The following OR1B1 variants were observed in gnomAD, a reference collection of about 807,000 sequenced individuals.
OR1B1 encodes the protein olfactory receptor family 1 subfamily B member 1, also known as olfactory receptor 1B1.
For synonymous variants in OR1B1, 168 were observed against 156.2 expected (o/e 1.08, Z -0.57); for missense variants, 414 against 402.1 (o/e 1.03, Z -0.25).
At chr9:122,651,843 A>C in the OR1B1 span, among the ~76,000 whole-genome samples, 2 of 152,230 alleles carry the variant, frequency 1.3e-5, no homozygotes, top group African/African-American at 4.8e-5. Context: ...GCTAGAGTGC[A>C]GTGGCACTAT....
At chr9:122,633,138 G>T (rs139227374), upstream of OR1B1, among the ~76,000 whole-genome samples, 420 of 152,236 alleles carry the variant, frequency 2.8e-3, 5 homozygotes, top group East Asian at 0.014. Context: ...TTCAAGATGA[G>T]ATTTGGGTGG....
chr9:122,630,189 A>G (rs1309136153), upstream of OR1B1, among the ~76,000 whole-genome samples: 1 of 152,202 alleles, frequency 6.6e-6, no homozygotes, highest in Non-Finnish European at 1.5e-5. Flanking sequence ...CAAATTATCC[A>G]TGTTTGCTGA....
At chr9:122,629,831 G>C (rs2118808216), upstream of OR1B1, among the ~76,000 whole-genome samples, 1 of 152,024 alleles carries the variant, frequency 6.6e-6, no homozygotes, top group South Asian at 2.1e-4. Flanking sequence ...ATTCATTCTT[G>C]TCTTTTCATC....
the OR1B1 span, among the ~76,000 whole-genome samples, chr9:122,648,854 C>G: frequency 6.6e-6 from 1 of 152,020 alleles, no homozygotes; most frequent in Non-Finnish European, 1.5e-5. Context: ...CAATGCTATC[C>G]CCATCGACCT....
chr9:122,636,237 A>G, the OR1B1 span, among the ~76,000 whole-genome samples: 2 of 152,304 alleles, frequency 1.3e-5, no homozygotes, highest in East Asian at 3.9e-4. Context: ...CTATCTCCCA[A>G]TGTACACTGT....
At chr9:122,646,530 A>G in the OR1B1 span, among the ~76,000 whole-genome samples, 1 of 149,380 alleles carries the variant, frequency 6.7e-6, no homozygotes, top group South Asian at 2.1e-4. Flanking sequence ...ATGAAGACCA[A>G]AAAAAAAAAG....
the OR1B1 span, among the ~76,000 whole-genome samples, chr9:122,640,518 TCA>T: frequency 6.6e-6 from 1 of 152,138 alleles, no homozygotes; most frequent in Admixed American, 6.5e-5. Flanking sequence ...AGAAGAAAAG[TCA>T]GAGGAAAAGC....
At chr9:122,652,879 G>A in the OR1B1 span, among the ~76,000 whole-genome samples, 9 of 152,216 alleles carry the variant, frequency 5.9e-5, no homozygotes, top group Admixed American at 3.9e-4. Flanking sequence ...TGTCTCTTAC[G>A]GAATGTAGCT....
At chr9:122,629,508 G>A (rs1830184432) in exon 1 of OR1B1, 2 of 1,610,692 alleles carry the variant, frequency 1.2e-6, no homozygotes, top group South Asian at 1.1e-5. Flanking sequence ...ACCGGAGAGT[G>A]TGAAGCATTA....
chr9:122,637,465 G>C, the OR1B1 span, among the ~76,000 whole-genome samples: 7 of 152,140 alleles, frequency 4.6e-5, no homozygotes, highest in African/African-American at 1.7e-4. Flanking sequence ...ACTCTAGCAA[G>C]AAATTCTCTT....
the OR1B1 span, among the ~76,000 whole-genome samples, chr9:122,637,592 T>C: frequency 6.6e-6 from 1 of 152,238 alleles, no homozygotes; most frequent in South Asian, 2.1e-4. Context: ...TGCAGTCTTC[T>C]CTTTCTCAAT....
At chr9:122,636,126 G>A in the OR1B1 span, among the ~76,000 whole-genome samples, 4 of 152,200 alleles carry the variant, frequency 2.6e-5, no homozygotes, top group African/African-American at 7.2e-5. Flanking sequence ...GAAGGTCTCA[G>A]TCAGGCTTCG....
chr9:122,639,730 TTATA>T, the OR1B1 span: 1 of 149,830 alleles, frequency 6.7e-6, no homozygotes, highest in East Asian at 1.9e-4. Context: ...CAATATATAT[TTATA>T]TATTGAATCT....
At chr9:122,642,846 C>A in the OR1B1 span, among the ~76,000 whole-genome samples, 2 of 152,166 alleles carry the variant, frequency 1.3e-5, no homozygotes. Flanking sequence ...CTTATACATT[C>A]TGTGAATCTG....
the OR1B1 span, among the ~76,000 whole-genome samples, chr9:122,639,979 C>T: frequency 0.018 from 2,703 of 151,994 alleles, 73 homozygotes; most frequent in African/African-American, 0.061. Flanking sequence ...CATGATTTCA[C>T]GAAACCTGCG....
At chr9:122,633,256 G>T (rs1212875041), upstream of OR1B1, among the ~76,000 whole-genome samples, 1 of 152,084 alleles carries the variant, frequency 6.6e-6, no homozygotes, top group East Asian at 1.9e-4. Context: ...ACATACAAAA[G>T]AATGGAATTG....
chr9:122,645,935 T>G, the OR1B1 span, among the ~76,000 whole-genome samples: 1 of 152,072 alleles, frequency 6.6e-6, no homozygotes, highest in Non-Finnish European at 1.5e-5. Context: ...TAAACTTCTC[T>G]TAAGAGAAAG....
chr9:122,634,344 A>G (rs533417292), upstream of OR1B1, among the ~76,000 whole-genome samples: 299 of 152,070 alleles, frequency 2.0e-3, 2 homozygotes, highest in African/African-American at 6.4e-3. Context: ...TCAAAAAAAA[A>G]AAAAAGAAAA....
At chr9:122,642,012 C>T in the OR1B1 span, among the ~76,000 whole-genome samples, 18 of 151,644 alleles carry the variant, frequency 1.2e-4, no homozygotes, top group South Asian at 1.7e-3. Context: ...AGAAGAAGGG[C>T]GTGCAGATGA....
Sources: gnomAD v4.1 joint callset for allele counts (sites outside exome capture counted in the v4.1 genomes callset) on GRCh38, gnomAD v4.1.1 for gene constraint, MANE v1.5 for transcripts, NCBI Gene and HGNC (gene_info 2026-07-23, HGNC 2026-07-21) for gene names.